USP54: variants seen among roughly 807,000 people sequenced by gnomAD.
The protein encoded by USP54 is ubiquitin carboxyl-terminal hydrolase 54.
In USP54, 87 loss-of-function variants were observed where a neutral mutation model predicts 170.5. The ratio of observed to expected loss-of-function variants is 0.51; its 90% CI spans 0.43 to 0.61. The LOEUF (loss-of-function observed/expected upper bound fraction) is 0.61. Among genes scored for constraint, USP54 ranks in the 20% least tolerant of loss-of-function variants. The probability of loss-of-function intolerance (pLI) is 0.00; values close to 1 mark genes in which losing one functional copy is unlikely to be tolerated. For synonymous variants in USP54, 655 were observed against 742.8 expected (o/e 0.88, Z 1.92); for missense variants, 1,786 against 2,047.8 (o/e 0.87, Z 2.47).
Position 73,569,902 on chromosome 10 carries a change from CAAAAAAAAAAAAAAAAAAAAAA to C in USP54, c.240+1497_240+1518del, listed in dbSNP as rs34676499. ...GGGCAACAGAGCAAGATTTCATCTCCAAAAAAAAAAAAAAAAAAAAAAAAAAAAAAAAAAAAAACACCCTCCA... is the reference window on the plus strand; with the variant it reads ...GGGCAACAGAGCAAGATTTCATCTCCAAAAAAAAAAAAAAAACACCCTCCA... On this transcript the variant is annotated intron_variant, in intron 4 of 23. Transcript: ENST00000687698. Among the ~76,000 whole-genome samples the C allele has an allele frequency of 1.5e-3, 28 of 18,716 alleles. 1 individual carries two copies. The highest frequency in any genetic ancestry group is 3.4e-3 in the South Asian group (4 of 1,176). 12.3% of individuals were successfully genotyped at this position (18,716 alleles called of 152,430 possible).
intron 1 of USP54, among the ~76,000 whole-genome samples, chr10:73,608,481 T>C (rs538883095): frequency 6.6e-6 from 1 of 152,286 alleles, no homozygotes; most frequent in African/African-American, 2.4e-5. Flanking sequence ...AACTGAAATT[T>C]AGAGTCCCTA....
intron 4 of USP54, among the ~76,000 whole-genome samples, chr10:73,565,327 G>A (rs574900317): frequency 3.3e-5 from 5 of 152,020 alleles, no homozygotes; most frequent in African/African-American, 1.2e-4. Flanking sequence ...AACCAGCCTA[G>A]GCAACATAGT....
At chr10:73,502,467 C>A (rs771179745) in intron 22 of USP54, among the ~76,000 whole-genome samples, 1 of 152,186 alleles carries the variant, frequency 6.6e-6, no homozygotes, top group Non-Finnish European at 1.5e-5. Context: ...CACCCGCCAC[C>A]GCGCCCAGCT....
chr10:73,559,559 T>TAA (rs574245246), intron 4 of USP54, among the ~76,000 whole-genome samples: 91 of 106,266 alleles, frequency 8.6e-4, no homozygotes, highest in African/African-American at 2.9e-3. Flanking sequence ...AAACTCCACC[T>TAA]AAAAAAAAAA....
At chr10:73,593,736 C>T (rs1167181156), upstream of USP54, among the ~76,000 whole-genome samples, 5 of 152,080 alleles carry the variant, frequency 3.3e-5, no homozygotes, top group African/African-American at 7.2e-5. Flanking sequence ...CAAGAAAAAT[C>T]CTTGGAGGGT....
intron 1 of USP54, among the ~76,000 whole-genome samples, chr10:73,610,798 G>C (rs1304175956): frequency 6.6e-6 from 1 of 152,104 alleles, no homozygotes; most frequent in African/African-American, 2.4e-5. Context: ...AAACTCAAAT[G>C]CTATTTGAAA....
At chr10:73,588,784 C>T (rs1023617972) in intron 1 of USP54, among the ~76,000 whole-genome samples, 1 of 152,198 alleles carries the variant, frequency 6.6e-6, no homozygotes, top group Non-Finnish European at 1.5e-5. Flanking sequence ...TTGTTCTGTG[C>T]ACATGCCCAG....
chr10:73,599,899 CTTT>C (rs536461848), intron 1 of USP54, among the ~76,000 whole-genome samples: 4 of 117,966 alleles, frequency 3.4e-5, no homozygotes, highest in Admixed American at 8.7e-5. Context: ...GCACTTTGGG[CTTT>C]TTTTTTTTTT....
chr10:73,549,128 C>T (rs2068629374), intron 4 of USP54, among the ~76,000 whole-genome samples: 1 of 152,186 alleles, frequency 6.6e-6, no homozygotes, highest in Non-Finnish European at 1.5e-5. Flanking sequence ...CTTCCTACCT[C>T]AGTGGTCAAT....
rs766573112 is a variant in USP54 at position 73,575,677 on chromosome 10, T to C, written c.-17-2A>G. On this transcript the variant is annotated splice_acceptor_variant, in intron 2 of 23. Coordinates refer to ENST00000687698, the MANE Select transcript of USP54 (RefSeq NM_001391956.1). LOFTEE classifies it low-confidence loss of function (5UTR_SPLICE). ...AAGACATTATTGTTCACATTTAGCCTGAAAAAAAAATGGAGAAGGATTTGT... is the reference window on the plus strand; with the variant it reads ...AAGACATTATTGTTCACATTTAGCCCGAAAAAAAAATGGAGAAGGATTTGT... 3 of 1,544,086 alleles carry C rather than the reference T, an allele frequency of 1.9e-6. No homozygotes were observed. The South Asian group carries it at 3.7e-5, about 19-fold the overall frequency.
chr10:73,585,358 C>T (rs933926172), intron 1 of USP54, among the ~76,000 whole-genome samples: 2 of 152,206 alleles, frequency 1.3e-5, no homozygotes, highest in Admixed American at 6.5e-5. Flanking sequence ...GCTAATGGTT[C>T]TGCACTGTGT....
intron 9 of USP54, among the ~76,000 whole-genome samples, chr10:73,540,333 G>T (rs1426281340): frequency 6.6e-6 from 1 of 151,534 alleles, no homozygotes; most frequent in Non-Finnish European, 1.5e-5. Flanking sequence ...CACTTTTGGA[G>T]GGGGAGGCAG....
At chr10:73,551,718 G>A (rs572919305) in intron 4 of USP54, among the ~76,000 whole-genome samples, 131 of 152,308 alleles carry the variant, frequency 8.6e-4, no homozygotes, top group Non-Finnish European at 1.6e-3. Context: ...TGCTGACATA[G>A]GCTCTATTAC....
intron 1 of USP54, among the ~76,000 whole-genome samples, chr10:73,606,830 G>C (rs1051518533): frequency 4.2e-5 from 6 of 143,826 alleles, no homozygotes; most frequent in African/African-American, 7.8e-5. Flanking sequence ...AGTGAGCCAA[G>C]ATCGTGCCAC....
chr10:73,592,949 C>G (rs1209215992), upstream of USP54, among the ~76,000 whole-genome samples: 1 of 152,250 alleles, frequency 6.6e-6, no homozygotes, highest in East Asian at 1.9e-4. Context: ...CAAGACTGCA[C>G]AAGAGGTTCT....
At chr10:73,609,280 G>C (rs1005338475) in intron 1 of USP54, among the ~76,000 whole-genome samples, 1 of 152,154 alleles carries the variant, frequency 6.6e-6, no homozygotes, top group African/African-American at 2.4e-5. Flanking sequence ...GCTCTGACTG[G>C]GGTCAACATC....
chr10:73,599,862 A>C (rs957907555), intron 1 of USP54, among the ~76,000 whole-genome samples: 1 of 151,958 alleles, frequency 6.6e-6, no homozygotes, highest in African/African-American at 2.4e-5. Flanking sequence ...GCCCAAGGTA[A>C]AGAGCTACAA....
At position 73,498,856 on chromosome 10, in the gene USP54, G is replaced by T. The variant is rs768272586; in HGVS notation, c.4828C>A (p.Leu1610Ile). 35 of 1,595,588 alleles carry T rather than the reference G, an allele frequency of 2.2e-5. 1 individual carries two copies. In the Admixed American group the frequency reaches 5.7e-4, roughly 26 times the overall value. Residue 1610 changes from leucine (L) to isoleucine (I), a missense_variant, in exon 24 of 24, where the codon CTT becomes ATT. Physicochemically the swap from Leu to Ile is conservative, Grantham distance 5. Transcript: ENST00000687698. ...VHPVYPPSSS[L>I]HVPLRSAWNS... ...CAAGCTGACCTCAGGGGTACATGAAGACTGCTAGATGGTGGGTACACAGGA... is the reference window on the plus strand; with the variant it reads ...CAAGCTGACCTCAGGGGTACATGAATACTGCTAGATGGTGGGTACACAGGA...
intron 11 of USP54, 52 bp from the exon 12 acceptor site, chr10:73,534,822 CAAAGAGAAGGA>C (rs1690239757): frequency 1.3e-6 from 2 of 1,550,974 alleles, no homozygotes; most frequent in African/African-American, 2.7e-5. Context: ...AGAACAGTAG[CAAAGAGAAGGA>C]AAAGAGATGG....
Sources: gnomAD v4.1 joint callset for allele counts (sites outside exome capture counted in the v4.1 genomes callset) on GRCh38, gnomAD v4.1.1 for gene constraint, MANE v1.5 for transcripts, NCBI Gene and HGNC (gene_info 2026-07-23, HGNC 2026-07-21) for gene names.